The following ZNF469 variants were observed in gnomAD, a reference collection of about 807,000 sequenced individuals.
The protein encoded by ZNF469 is zinc finger protein 469.
A neutral mutation model predicts 1.0 loss-of-function variants in ZNF469; 1 was observed. The ratio of observed to expected loss-of-function variants is 1.00; its 90% CI spans 0.35 to 4.73. The LOEUF is 4.73. Among genes scored for constraint, ZNF469 ranks in the 30% most tolerant of loss-of-function variants. The probability of loss-of-function intolerance (pLI) is 0.16; values close to 1 mark genes in which losing one functional copy is unlikely to be tolerated. For synonymous variants in ZNF469, 2,703 were observed against 2,363.4 expected (o/e 1.14, Z -4.17); for missense variants, 6,100 against 5,356.3 (o/e 1.14, Z -4.33).
In ZNF469 at chr16:88,438,460, G is replaced by A. The variant is rs904783; in HGVS notation, c.10990G>A (p.Ala3664Thr). ...GGTGTCTGAGGGGGGGCCCCGAGGC[G>A]CCTTCCACAAGGGCAGCGCCACCAA... ...HMVSEGGPRGAFHKGSATKPA... is the reference protein window; with the variant it reads ...HMVSEGGPRGTFHKGSATKPA... The change falls in exon 3 of 3, where the codon GCC becomes ACC. Residue 3664 changes from alanine (A) to threonine (T), a missense_variant. Physicochemically the swap from Ala to Thr is moderately conservative, Grantham distance 58 (BLOSUM62 0). Coordinates refer to ENST00000565624, the MANE Select transcript of ZNF469 (RefSeq NM_001367624.2). 141 of 1,550,118 alleles carry A rather than the reference G, an allele frequency of 9.1e-5. No individual in the cohort carries two copies. In the African/African-American group the frequency reaches 1.1e-3, roughly 12 times the overall value.
At position 88,424,285 on chromosome 16, in the gene ZNF469, G is replaced by A. The variant is rs775312176; in HGVS notation, c.-191-522G>A. Among the ~76,000 whole-genome samples the A allele has an allele frequency of 1.1e-4, 17 of 152,202 alleles. No homozygotes were observed. The highest frequency in any genetic ancestry group is 2.4e-4 in the Non-Finnish European group (16 of 68,040). On this transcript the variant is annotated intron_variant, in intron 1 of 2. Coordinates refer to ENST00000565624, the MANE Select transcript of ZNF469 (RefSeq NM_001367624.2). The surrounding 1 kb of genome is among the most constrained non-coding windows in gnomAD (Gnocchi z 4.3). ...ATGTTGTTACATGAAAAAAAGGTCA[G>A]GTGCAGAACAGTGAGCGTAGCCGAC...
At chr16:88,169,616 G>A in the ZNF469 span, among the ~76,000 whole-genome samples, 2 of 152,190 alleles carry the variant, frequency 1.3e-5, no homozygotes, top group African/African-American at 2.4e-5. This position sits in a 1 kb window ranked among gnomAD's most constrained non-coding sequence, Gnocchi z 6.1. Flanking sequence ...GCCGAAGGAC[G>A]TTTGGGCTGA....
At chr16:88,119,136 C>A in the ZNF469 span, among the ~76,000 whole-genome samples, 1 of 152,164 alleles carries the variant, frequency 6.6e-6, no homozygotes, top group Non-Finnish European at 1.5e-5. Flanking sequence ...TTTGTCCAGT[C>A]CTTGAGGAGT....
chr16:88,386,264 G>A (rs1161057917), intron 1 of ZNF469, among the ~76,000 whole-genome samples: 2 of 152,040 alleles, frequency 1.3e-5, no homozygotes, highest in Non-Finnish European at 2.9e-5. Flanking sequence ...GGCCATGCTC[G>A]GGTCCTGCAT....
chr16:88,358,774 A>G, the ZNF469 span, among the ~76,000 whole-genome samples: 9 of 151,724 alleles, frequency 5.9e-5, no homozygotes, highest in African/African-American at 1.9e-4. Flanking sequence ...GCTGGAGTGC[A>G]GTGGTGTGAT....
intron 1 of ZNF469, among the ~76,000 whole-genome samples, chr16:88,395,007 C>T (rs2142267756): frequency 1.3e-5 from 2 of 152,366 alleles, no homozygotes; most frequent in South Asian, 2.1e-4. Context: ...GGGATCTGGG[C>T]TTTGCTGCCA....
the ZNF469 span, among the ~76,000 whole-genome samples, chr16:88,152,331 C>T: frequency 3.3e-5 from 5 of 152,362 alleles, no homozygotes; most frequent in South Asian, 2.1e-4. The surrounding 1 kb of genome is among the most constrained non-coding windows in gnomAD (Gnocchi z 4.2). Flanking sequence ...CCTACAGACA[C>T]GCTCTGGTTT....
At chr16:88,230,288 GC>G in the ZNF469 span, among the ~76,000 whole-genome samples, 1 of 152,262 alleles carries the variant, frequency 6.6e-6, no homozygotes, top group African/African-American at 2.4e-5. Context: ...ATCCGAGGCT[GC>G]CGTCTGCTGT....
chr16:88,101,660 A>T, the ZNF469 span, among the ~76,000 whole-genome samples: 1 of 152,090 alleles, frequency 6.6e-6, no homozygotes, highest in African/African-American at 2.4e-5. Context: ...AATCTGAGGC[A>T]GGCACCGTCA....
chr16:88,200,421 G>A, the ZNF469 span, among the ~76,000 whole-genome samples: 2 of 152,244 alleles, frequency 1.3e-5, no homozygotes, highest in African/African-American at 2.4e-5. Flanking sequence ...CCGAGGAACC[G>A]CAGAAGGGAC....
chr16:88,245,285 AT>A, the ZNF469 span, among the ~76,000 whole-genome samples: 2 of 152,208 alleles, frequency 1.3e-5, no homozygotes, highest in Non-Finnish European at 2.9e-5. Flanking sequence ...TATGAGGATG[AT>A]TAAGTAGAGG....
the ZNF469 span, among the ~76,000 whole-genome samples, chr16:88,289,653 T>G: frequency 6.6e-6 from 1 of 151,870 alleles, no homozygotes; most frequent in African/African-American, 2.4e-5. Context: ...CACTTGTGAG[T>G]GGTGGAGCTG....
chr16:88,262,614 C>G, the ZNF469 span, among the ~76,000 whole-genome samples: 1 of 152,158 alleles, frequency 6.6e-6, no homozygotes, highest in Admixed American at 6.5e-5. The surrounding 1 kb of genome is among the most constrained non-coding windows in gnomAD (Gnocchi z 4.3). Flanking sequence ...AGAGACCCCA[C>G]CACCTGGGGG....
chr16:88,261,845 C>T, the ZNF469 span, among the ~76,000 whole-genome samples: 2 of 152,160 alleles, frequency 1.3e-5, no homozygotes, highest in Admixed American at 1.3e-4. The surrounding 1 kb of genome is among the most constrained non-coding windows in gnomAD (Gnocchi z 6.0). Flanking sequence ...AGGCTCTTTG[C>T]TGGCTGTTCC....
chr16:88,232,474 G>A, the ZNF469 span, among the ~76,000 whole-genome samples: 3 of 152,164 alleles, frequency 2.0e-5, no homozygotes, highest in African/African-American at 7.2e-5. Flanking sequence ...ACTGGCCACT[G>A]CAATCTCTGG....
chr16:88,256,691 G>C, the ZNF469 span, among the ~76,000 whole-genome samples: 1 of 152,106 alleles, frequency 6.6e-6, no homozygotes, highest in Admixed American at 6.6e-5. Flanking sequence ...GAGAGTTCCT[G>C]TTGCTCCACA....
At chr16:88,158,907 C>A in the ZNF469 span, among the ~76,000 whole-genome samples, 1 of 152,054 alleles carries the variant, frequency 6.6e-6, no homozygotes, top group Non-Finnish European at 1.5e-5. Flanking sequence ...TGGGGCCTTC[C>A]GACATCCTCC....
the ZNF469 span, among the ~76,000 whole-genome samples, chr16:88,261,398 T>C: frequency 4.9e-4 from 74 of 152,264 alleles, no homozygotes; most frequent in African/African-American, 1.8e-3. The surrounding 1 kb of genome is among the most constrained non-coding windows in gnomAD (Gnocchi z 6.0). Flanking sequence ...GGTAAGTACA[T>C]GTGCCGCAGC....
chr16:88,437,068 C>T lies in ZNF469; in HGVS notation c.9598C>T (p.Arg3200Cys), dbSNP rs1359910540. 10 of 1,540,292 alleles carry T rather than the reference C, an allele frequency of 6.5e-6. No homozygotes were observed. Among genetic ancestry groups the T allele is most frequent in the South Asian group, 2.4e-5 (2 of 83,822 alleles). The stretch of plus-strand genomic sequence containing the variant: ...CGAGCACCTGCGTGAGCACGCGGTC[C>T]GCTTCGCCCGCAGGGGGCAGGCGCG... ...YNEHLREHAV[R>C]FARRGQARRS... Residue 3200 changes from arginine to cysteine, a missense_variant, in exon 3 of 3, where the codon CGC becomes TGC. Arg to Cys is a radical substitution (Grantham distance 180). Coordinates refer to ENST00000565624, the MANE Select transcript of ZNF469 (RefSeq NM_001367624.2).
Sources: allele counts gnomAD v4.1 joint callset (sites outside exome capture counted in the v4.1 genomes callset), GRCh38; gene constraint gnomAD v4.1.1; non-coding constraint Gnocchi (gnomAD v3.1); transcripts MANE v1.5; gene names NCBI Gene and HGNC (gene_info 2026-07-23, HGNC 2026-07-21).